The following ABCB1 variants were observed in gnomAD, a reference collection of about 807,000 sequenced individuals.
The protein encoded by ABCB1 is ATP-dependent translocase ABCB1.
A neutral mutation model predicts 142.0 loss-of-function variants in ABCB1; 69 were observed. That is an observed-to-expected ratio of 0.49 (90% CI 0.40 to 0.59). The LOEUF is 0.59. Ranked by LOEUF, ABCB1 falls within the 20% of genes least tolerant of loss-of-function variation. The probability of loss-of-function intolerance (pLI) is 0.00; values close to 1 mark genes in which losing one functional copy is unlikely to be tolerated. For missense variants in ABCB1, 1,326 were observed against 1,554.7 expected, an observed-to-expected ratio of 0.85 and a Z score of 2.47; for synonymous variants, 532 against 539.2, an observed-to-expected ratio of 0.99 and a Z score of 0.18.
At chr7:87,673,520 G>A (rs919155757) in intron 1 of ABCB1, among the ~76,000 whole-genome samples, 33 of 152,170 alleles carry the variant, frequency 2.2e-4, no homozygotes, top group Admixed American at 1.2e-3. Context: ...TAATACTTGT[G>A]ATTATATTAT....
intron 25 of ABCB1, 54 bp downstream of exon 25, chr7:87,515,177 C>T: frequency 6.3e-7 from 1 of 1,597,210 alleles, no homozygotes; most frequent in Admixed American, 1.7e-5. Flanking sequence ...TAAATACATT[C>T]AGACATTTGG....
At chr7:87,700,019 T>G (rs979806057) in intron 1 of ABCB1, among the ~76,000 whole-genome samples, 1 of 152,198 alleles carries the variant, frequency 6.6e-6, no homozygotes, top group Non-Finnish European at 1.5e-5. Flanking sequence ...TTCTGTTTTT[T>G]TAAATAGAGA....
chr7:87,542,116 C>T lies in ABCB1; in HGVS notation c.2212-652G>A, dbSNP rs1816566164. 2.0e-5 allele frequency among the ~76,000 whole-genome samples: 3 copies of T among 152,086 alleles called. No individual in the cohort carries two copies. In the South Asian group the frequency reaches 6.2e-4, roughly 32 times the overall value. ...AACACGTATCTCCCTTCACAGTGGGCCAAAATCAGTCTTGTAAGATAGTAA... is the reference window on the plus strand; with the variant it reads ...AACACGTATCTCCCTTCACAGTGGGTCAAAATCAGTCTTGTAAGATAGTAA... On this transcript the variant is annotated intron_variant, in intron 17 of 27. Transcript: ENST00000622132.
At chr7:87,561,750 C>T (rs1028823847) in intron 7 of ABCB1, among the ~76,000 whole-genome samples, 1 of 152,138 alleles carries the variant, frequency 6.6e-6, no homozygotes, top group Non-Finnish European at 1.5e-5. Context: ...TTTTAGGATG[C>T]CAAAGATGAA....
chr7:87,561,756 A>G (rs1817570450), intron 7 of ABCB1, among the ~76,000 whole-genome samples: 1 of 152,166 alleles, frequency 6.6e-6, no homozygotes, highest in South Asian at 2.1e-4. Context: ...GATGCCAAAG[A>G]TGAATAATTG....
intron 1 of ABCB1, among the ~76,000 whole-genome samples, chr7:87,637,142 C>T (rs1821859413): frequency 6.6e-6 from 1 of 152,296 alleles, no homozygotes; most frequent in African/African-American, 2.4e-5. Context: ...ATGGGAACTA[C>T]AATTCAAGAT....
chr7:87,700,702 C>T lies in ABCB1; in HGVS notation c.-331+12459G>A, dbSNP rs528361702. On this transcript the variant is annotated intron_variant, in intron 1 of 28. Transcript: ENST00000265724. ...CCTGTTCTGTGATGTTTCTACATTT[C>T]TTGAATTATCTAAACTAGTGGCTCT... The T allele has an allele frequency of 4.0e-4, 267 of 675,468 alleles. 1 individual carries two copies. The highest frequency in any genetic ancestry group is 5.9e-4 in the Non-Finnish European group (248 of 422,090). The allele number at this position is 675,468 out of a possible 1,614,324, so 41.8% of individuals were successfully genotyped here. A position where few individuals can be genotyped will look rare whatever the true frequency, so the allele number is the denominator to read the frequency against.
intron 7 of ABCB1, among the ~76,000 whole-genome samples, chr7:87,563,068 T>C (rs1000312491): frequency 5.9e-5 from 9 of 152,116 alleles, no homozygotes; most frequent in Non-Finnish European, 1.3e-4. Context: ...CTAGAATAAA[T>C]GGATAAATTA....
At chr7:87,710,899 A>G (rs1830013304) in intron 1 of ABCB1, among the ~76,000 whole-genome samples, 1 of 152,174 alleles carries the variant, frequency 6.6e-6, no homozygotes, top group Non-Finnish European at 1.5e-5. Flanking sequence ...ATCATTTCTG[A>G]TTCATACTCT....
chr7:87,587,626 C>T (rs901966805), intron 3 of ABCB1, among the ~76,000 whole-genome samples: 5 of 152,092 alleles, frequency 3.3e-5, no homozygotes, highest in Admixed American at 3.3e-4. Context: ...AATCCCAGCA[C>T]TTTGGGAGGC....
At chr7:87,600,309 A>T in intron 1 of ABCB1, 119 bp from the exon 2 acceptor site, 1 of 805,448 alleles carries the variant, frequency 1.2e-6, no homozygotes, top group South Asian at 1.4e-5. Context: ...CCCGCCGTTG[A>T]TGCCCCAGCT....
intron 1 of ABCB1, among the ~76,000 whole-genome samples, chr7:87,672,716 TCTC>T (rs1825953821): frequency 6.6e-6 from 1 of 152,076 alleles, no homozygotes; most frequent in Admixed American, 6.5e-5. Context: ...CACAAGGAGA[TCTC>T]CTGACCCAAG....
intron 1 of ABCB1, among the ~76,000 whole-genome samples, chr7:87,646,069 C>A (rs1339800731): frequency 6.6e-6 from 1 of 152,114 alleles, no homozygotes; most frequent in Non-Finnish European, 1.5e-5. Context: ...GATATTTGGA[C>A]TTCGCTTTTG....
intron 1 of ABCB1, among the ~76,000 whole-genome samples, chr7:87,641,637 C>T (rs540350152): frequency 3.2e-4 from 49 of 152,272 alleles, no homozygotes; most frequent in Non-Finnish European, 4.9e-4. Context: ...GCTCTTCTTC[C>T]CTGCCTTCCT....
At chr7:87,550,430 C>A in intron 11 of ABCB1, 38 bp downstream of exon 11, 1 of 1,603,160 alleles carries the variant, frequency 6.2e-7, no homozygotes, top group Non-Finnish European at 8.5e-7. Flanking sequence ...ACTCTTCATT[C>A]AATAGATTAA....
At chr7:87,538,216 A>G (rs1263650556) in intron 19 of ABCB1, among the ~76,000 whole-genome samples, 1 of 152,204 alleles carries the variant, frequency 6.6e-6, no homozygotes, top group Non-Finnish European at 1.5e-5. Context: ...CTGGTTGGGT[A>G]ATGGGAAATT....
intron 1 of ABCB1, among the ~76,000 whole-genome samples, chr7:87,655,343 G>C (rs190769218): frequency 9.9e-5 from 15 of 151,808 alleles, no homozygotes; most frequent in Admixed American, 2.6e-4. Context: ...CTGATGAGTC[G>C]ATAAAAAAAA....
intron 1 of ABCB1, among the ~76,000 whole-genome samples, chr7:87,652,815 AT>A (rs1254190022): frequency 6.6e-6 from 1 of 151,878 alleles, no homozygotes; most frequent in Non-Finnish European, 1.5e-5. Flanking sequence ...TTCACTTATG[AT>A]TTAGTTACAT....
At chr7:87,532,335 C>A (rs1816091939) in intron 20 of ABCB1, among the ~76,000 whole-genome samples, 2 of 152,088 alleles carry the variant, frequency 1.3e-5, no homozygotes, top group African/African-American at 4.8e-5. Context: ...GGGCTACATT[C>A]CCAGGAGGTT....
Sources: gnomAD v4.1 joint callset for allele counts (sites outside exome capture counted in the v4.1 genomes callset) on GRCh38, gnomAD v4.1.1 for gene constraint, MANE v1.5 for transcripts, NCBI Gene and HGNC (gene_info 2026-07-23, HGNC 2026-07-21) for gene names.